Variants in CACNB2 observed in about 807,000 individuals in gnomAD.
The protein encoded by CACNB2 is voltage-dependent L-type calcium channel subunit beta-2.
A neutral mutation model predicts 73.3 loss-of-function variants in CACNB2; 42 were observed. The observed-to-expected ratio is 0.57, with a 90% CI of 0.45 to 0.74. The LOEUF (loss-of-function observed/expected upper bound fraction) is 0.74, where lower values mean the gene tolerates loss of function less well. Ranked by LOEUF, CACNB2 falls within the 30% of genes least tolerant of loss-of-function variation. The pLI is 0.00. For synonymous variants in CACNB2, 348 were observed against 310.3 expected, an observed-to-expected ratio of 1.12 and a Z score of -1.28; for missense variants, 940 against 853.0, an observed-to-expected ratio of 1.10 and a Z score of -1.27.
chr10:18,342,157 A>C (rs1019321886), intron 2 of CACNB2, among the ~76,000 whole-genome samples: 1 of 152,220 alleles, frequency 6.6e-6, no homozygotes, highest in Non-Finnish European at 1.5e-5. Context: ...ATTATCAAAC[A>C]TGAAATAACT....
At chr10:18,198,649 A>G (rs547567897) in intron 2 of CACNB2, among the ~76,000 whole-genome samples, 88 of 152,176 alleles carry the variant, frequency 5.8e-4, no homozygotes, top group African/African-American at 2.1e-3. Context: ...TCATCTTCCA[A>G]CCCTCTTGGA....
intron 2 of CACNB2, among the ~76,000 whole-genome samples, chr10:18,287,577 G>A (rs924039436): frequency 1.1e-4 from 16 of 152,088 alleles, no homozygotes; most frequent in African/African-American, 3.9e-4. Flanking sequence ...AGGGCCAGGC[G>A]CAGTGGCTCA....
intron 2 of CACNB2, among the ~76,000 whole-genome samples, chr10:18,356,938 A>ATGTCTTTTTTT (rs1436280481): frequency 0.05 from 4,644 of 93,688 alleles, 541 homozygotes; most frequent in Non-Finnish European, 0.075. Context: ...CCCAGACTCA[A>ATGTCTTTTTTT]TTTCTTTTTT....
chr10:18,443,392 G>A (rs2046572997), intron 3 of CACNB2, among the ~76,000 whole-genome samples: 1 of 151,964 alleles, frequency 6.6e-6, no homozygotes, highest in South Asian at 2.1e-4. Flanking sequence ...CTGACAAGCA[G>A]GGGACTTGGG....
intron 2 of CACNB2, among the ~76,000 whole-genome samples, chr10:18,251,539 T>C (rs991192579): frequency 6.6e-6 from 1 of 152,194 alleles, no homozygotes; most frequent in Non-Finnish European, 1.5e-5. Context: ...TGGGCCACCA[T>C]GCCCGGCCTC....
intron 1 of CACNB2, among the ~76,000 whole-genome samples, chr10:18,144,895 C>A (rs1426614124): frequency 6.6e-6 from 1 of 152,110 alleles, no homozygotes; most frequent in African/African-American, 2.4e-5. Context: ...AAGTATGAAA[C>A]TGGTAATTCT....
intron 2 of CACNB2, among the ~76,000 whole-genome samples, chr10:18,395,637 T>C (rs144775564): frequency 9.2e-5 from 14 of 152,326 alleles, no homozygotes; most frequent in Non-Finnish European, 2.1e-4. Flanking sequence ...GTACATCCTA[T>C]AGCTATATGT....
At chr10:18,436,968 A>G (rs989458487) in intron 3 of CACNB2, among the ~76,000 whole-genome samples, 2 of 152,226 alleles carry the variant, frequency 1.3e-5, no homozygotes, top group Non-Finnish European at 2.9e-5. Context: ...ATTTTGAACA[A>G]CAATGTGCTG....
At chr10:18,287,424 G>C (rs1022621210) in intron 2 of CACNB2, among the ~76,000 whole-genome samples, 4 of 152,208 alleles carry the variant, frequency 2.6e-5, no homozygotes, top group Non-Finnish European at 4.4e-5. Context: ...ACTCCAAAGA[G>C]TCATGGAAAA....
intron 3 of CACNB2, among the ~76,000 whole-genome samples, chr10:18,402,559 A>G (rs950886215): frequency 6.6e-6 from 1 of 152,202 alleles, no homozygotes; most frequent in Non-Finnish European, 1.5e-5. Context: ...TTGATTTTTA[A>G]AAGTTTCTTC....
At chr10:18,477,471 C>T (rs1305854745) in intron 3 of CACNB2, among the ~76,000 whole-genome samples, 3 of 152,214 alleles carry the variant, frequency 2.0e-5, no homozygotes, top group South Asian at 2.1e-4. Flanking sequence ...CAGCTGGACT[C>T]ATCCAAAGCC....
At chr10:18,490,409 A>G (rs1172949149) in intron 3 of CACNB2, among the ~76,000 whole-genome samples, 2 of 152,196 alleles carry the variant, frequency 1.3e-5, no homozygotes, top group Admixed American at 6.5e-5. Context: ...CTGGAAAAGG[A>G]ATCAATTCCT....
chr10:18,388,881 T>C (rs1384489398), intron 2 of CACNB2, among the ~76,000 whole-genome samples: 1 of 152,238 alleles, frequency 6.6e-6, no homozygotes, highest in Non-Finnish European at 1.5e-5. Flanking sequence ...TTCATGTGCA[T>C]AAAGAGGCTT....
chr10:18,348,631 G>C (rs1409500300), intron 2 of CACNB2, among the ~76,000 whole-genome samples: 1 of 152,116 alleles, frequency 6.6e-6, no homozygotes, highest in Non-Finnish European at 1.5e-5. Flanking sequence ...AGCCTCCCGA[G>C]TATCTGGGAC....
At chr10:18,261,865 G>A (rs1224549578) in intron 2 of CACNB2, 2 of 509,502 alleles carry the variant, frequency 3.9e-6, no homozygotes, top group Non-Finnish European at 7.8e-6. Flanking sequence ...GCCCTGCTGT[G>A]TTTTGCAAAA....
chr10:18,217,891 G>A (rs113270633), intron 2 of CACNB2, among the ~76,000 whole-genome samples: 3 of 152,176 alleles, frequency 2.0e-5, no homozygotes, highest in Admixed American at 6.5e-5. Flanking sequence ...TTGCCCCTGC[G>A]TTACCCTTGG....
intron 3 of CACNB2, among the ~76,000 whole-genome samples, chr10:18,413,450 T>G (rs2044752121): frequency 6.6e-6 from 1 of 152,242 alleles, no homozygotes; most frequent in African/African-American, 2.4e-5. Flanking sequence ...AGTGCTTGGA[T>G]CTCAGGTCCT....
At chr10:18,328,292 C>T (rs957634990) in intron 2 of CACNB2, among the ~76,000 whole-genome samples, 5 of 152,214 alleles carry the variant, frequency 3.3e-5, no homozygotes, top group African/African-American at 4.8e-5. Context: ...AACCAAGTTG[C>T]ATCCCAGACC....
chr10:18,391,469 C>G (rs1289331603), intron 2 of CACNB2, among the ~76,000 whole-genome samples: 1 of 152,110 alleles, frequency 6.6e-6, no homozygotes, highest in African/African-American at 2.4e-5. Flanking sequence ...ATTCATTCCA[C>G]AAATGTTTGT....
Sources: gnomAD v4.1 joint callset for allele counts (sites outside exome capture counted in the v4.1 genomes callset) on GRCh38, gnomAD v4.1.1 for gene constraint, MANE v1.5 for transcripts, NCBI Gene and HGNC (gene_info 2026-07-23, HGNC 2026-07-21) for gene names.